SLC7A6: variants seen among roughly 807,000 people sequenced by gnomAD.
The protein encoded by SLC7A6 is solute carrier family 7 member 6, also known as Y+L amino acid transporter 2.
A neutral mutation model predicts 46.6 loss-of-function variants in SLC7A6; 29 were observed. The observed-to-expected ratio is 0.62, with a 90% CI of 0.46 to 0.85. The LOEUF is 0.85. Among genes scored for constraint, SLC7A6 ranks in the 40% least tolerant of loss-of-function variants. The pLI is 0.00. For synonymous variants in SLC7A6, 276 were observed against 257.3 expected, an observed-to-expected ratio of 1.07 and a Z score of -0.70; for missense variants, 527 against 647.6, an observed-to-expected ratio of 0.81 and a Z score of 2.02.
rs768631802 is a variant in SLC7A6 at position 68,291,644 on chromosome 16, C to T, written c.1005C>T (p.Ser335=). 1.1e-5 allele frequency: 18 copies of T among 1,613,986 alleles called. No homozygotes were observed. In the South Asian group the frequency reaches 2.0e-4, roughly 18 times the overall value. ...CCTGCTTTGGGGGCCTCAATGCATC[C>T]ATCTTTGCTTCATCAAGGTACTGTG... ...ALSCFGGLNA[S]IFASSRLFFV... Residue 335 remains serine (S), a synonymous_variant, in exon 7 of 11, where the codon TCC becomes TCT. Coordinates refer to ENST00000219343, the MANE Select transcript of SLC7A6 (RefSeq NM_003983.6).
intron 3 of SLC7A6, among the ~76,000 whole-genome samples, chr16:68,280,664 C>T (rs1232211414): frequency 6.6e-6 from 1 of 151,720 alleles, no homozygotes; most frequent in Admixed American, 6.6e-5. Context: ...AAACTCCTGG[C>T]TCAAGTGATG....
chr16:68,288,910 G>A (rs1689077926), intron 4 of SLC7A6, among the ~76,000 whole-genome samples: 1 of 125,972 alleles, frequency 7.9e-6, no homozygotes, highest in Non-Finnish European at 1.6e-5. Flanking sequence ...GTTGCAGTAA[G>A]CCGAGATTGT....
chr16:68,289,914 G>T (rs147757911), intron 4 of SLC7A6, among the ~76,000 whole-genome samples: 5 of 152,338 alleles, frequency 3.3e-5, no homozygotes, highest in Non-Finnish European at 7.3e-5. Flanking sequence ...TCTGGTCCAA[G>T]AGAGGTAGTT....
chr16:68,288,745 C>G (rs994523039), intron 4 of SLC7A6, among the ~76,000 whole-genome samples: 31 of 151,768 alleles, frequency 2.0e-4, no homozygotes, highest in African/African-American at 6.3e-4. Flanking sequence ...GTGGGCGAAT[C>G]AGCAGGTCAG....
At chr16:68,275,433 T>G (rs530000980) in intron 3 of SLC7A6, among the ~76,000 whole-genome samples, 184 bp downstream of exon 3, 16 of 151,688 alleles carry the variant, frequency 1.1e-4, no homozygotes, top group Non-Finnish European at 2.4e-4. Context: ...CCGTCTCTAC[T>G]GAAAAAACAA....
chr16:68,291,763 G>A, intron 7 of SLC7A6, 102 bp downstream of exon 7: 1 of 295,620 alleles, frequency 3.4e-6, no homozygotes, highest in South Asian at 3.2e-5. Flanking sequence ...GGCATATAGG[G>A]TGTGTGTGTG....
rs528395838 is a variant in SLC7A6 at position 68,299,885 on chromosome 16, C to G, written c.*2557C>G. On this transcript the variant is annotated 3_prime_UTR_variant, in exon 11 of 11. Transcript: ENST00000219343. ...TGTACACAGAATTTAATCACTTCGGCAGGTTGAACAACTCCATGTAGATAA... is the reference window on the plus strand; with the variant it reads ...TGTACACAGAATTTAATCACTTCGGGAGGTTGAACAACTCCATGTAGATAA... The G allele has an allele frequency of 6.6e-6, 1 of 152,220 alleles. No homozygotes were observed. The highest frequency in any genetic ancestry group is 2.1e-4 in the South Asian group (1 of 4,822). 9.4% of individuals were successfully genotyped at this position (152,220 alleles called of 1,614,324 possible). A position where few individuals can be genotyped will look rare whatever the true frequency, so the allele number is the denominator to read the frequency against.
At position 68,299,860 on chromosome 16, in the gene SLC7A6, T is replaced by G. The variant is rs1375846431; in HGVS notation, c.*2532T>G. 1 of 152,210 alleles carries G rather than the reference T, an allele frequency of 6.6e-6. No homozygotes were observed. Among genetic ancestry groups the G allele is most frequent in the Non-Finnish European group, 1.5e-5 (1 of 68,046 alleles). 9.4% of individuals were successfully genotyped at this position (152,210 alleles called of 1,614,324 possible). A position where few individuals can be genotyped will look rare whatever the true frequency, so the allele number is the denominator to read the frequency against. ...AATTAGCTGCAATATATACGGCCTGTGTACACAGAATTTAATCACTTCGGC... is the reference window on the plus strand; with the variant it reads ...AATTAGCTGCAATATATACGGCCTGGGTACACAGAATTTAATCACTTCGGC... On this transcript the variant is annotated 3_prime_UTR_variant, in exon 11 of 11. Transcript: ENST00000219343.
intron 7 of SLC7A6, chr16:68,292,031 C>T (rs2043066942): frequency 4.7e-6 from 1 of 211,792 alleles, no homozygotes; most frequent in Admixed American, 5.5e-5. Context: ...GAGATGAGGA[C>T]AGATTGATGA....
At chr16:68,295,321 C>T (rs966101693) in intron 8 of SLC7A6, among the ~76,000 whole-genome samples, 4 of 152,112 alleles carry the variant, frequency 2.6e-5, no homozygotes, top group South Asian at 2.1e-4. Context: ...TTCTCATATT[C>T]GTTTATTTGT....
intron 3 of SLC7A6, chr16:68,287,302 A>C: frequency 5.4e-6 from 7 of 1,287,772 alleles, no homozygotes; most frequent in Non-Finnish European, 7.1e-6. Flanking sequence ...AATGCAAAAC[A>C]CTGTCTCTCT....
intron 4 of SLC7A6, 179 bp from the exon 5 acceptor site, chr16:68,290,217 C>G: frequency 8.6e-6 from 5 of 578,620 alleles, no homozygotes; most frequent in South Asian, 2.8e-5. Flanking sequence ...GTTTTTTTTT[C>G]TTTCCCCTGC....
chr16:68,280,621 AAGG>A (rs1276398743), intron 3 of SLC7A6, among the ~76,000 whole-genome samples: 2 of 152,326 alleles, frequency 1.3e-5, no homozygotes, highest in East Asian at 3.9e-4. Context: ...GTTTATTTAA[AAGG>A]AGTATCCCTA....
intron 2 of SLC7A6, among the ~76,000 whole-genome samples, chr16:68,269,981 GC>G (rs1314744388): frequency 6.6e-6 from 1 of 152,076 alleles, no homozygotes; most frequent in Non-Finnish European, 1.5e-5. Flanking sequence ...TGTTGCCCAG[GC>G]TAGTCTCGAA....
Position 68,275,234 on chromosome 16 carries a change from G to C in SLC7A6, c.508G>C (p.Ala170Pro). The C allele has an allele frequency of 6.2e-7, 1 of 1,611,448 alleles. No individual in the cohort carries two copies. The highest frequency in any genetic ancestry group is 8.5e-7 in the Non-Finnish European group (1 of 1,178,250). The change falls in exon 3 of 11, where the codon GCT (alanine) becomes CCT (proline). Residue 170 changes from alanine to proline, a missense_variant. Coordinates refer to ENST00000219343, the MANE Select transcript of SLC7A6 (RefSeq NM_003983.6). ...DPPYLACRLL[A>P]AACICLLTFV... ...CCCATACCTGGCCTGCCGTCTCCTG[G>C]CTGCTGCTTGCATATGTAAGTGGGG... is the stretch of plus-strand genomic sequence containing the variant.
intron 7 of SLC7A6, among the ~76,000 whole-genome samples, chr16:68,294,496 G>A (rs1433551012): frequency 6.6e-6 from 1 of 151,990 alleles, no homozygotes; most frequent in Non-Finnish European, 1.5e-5. Flanking sequence ...TAGTGGTGAG[G>A]TGCCCGGGGA....
intron 3 of SLC7A6, among the ~76,000 whole-genome samples, chr16:68,279,511 A>C (rs1302990937): frequency 6.6e-6 from 1 of 152,024 alleles, no homozygotes; most frequent in African/African-American, 2.4e-5. Context: ...GATCTTGGGG[A>C]GTTAACTAAT....
chr16:68,296,722 C>A lies in SLC7A6; in HGVS notation c.1365C>A (p.Ile455=). 1.2e-6 allele frequency: 2 copies of A among 1,614,214 alleles called. No homozygotes were observed. Among genetic ancestry groups the A allele is most frequent in the African/African-American group, 1.3e-5 (1 of 75,046 alleles). ...ACACCATTAATTCCCTCATTGGCAT[C>A]GGGATTGCCCTTTCTGGAGTCCCTT... ...FTDTINSLIG[I]GIALSGVPFY... Residue 455 remains isoleucine, a synonymous_variant, in exon 10 of 11, where the codon ATC becomes ATA. Coordinates refer to ENST00000219343, the MANE Select transcript of SLC7A6 (RefSeq NM_003983.6).
chr16:68,287,025 CTG>C (rs547243819), intron 3 of SLC7A6, among the ~76,000 whole-genome samples: 273 of 145,776 alleles, frequency 1.9e-3, no homozygotes, highest in Middle Eastern at 0.011. Flanking sequence ...AGGTCTTACT[CTG>C]TCATCAGGCT....
Sources: gnomAD v4.1 joint callset for allele counts (sites outside exome capture counted in the v4.1 genomes callset) on GRCh38, gnomAD v4.1.1 for gene constraint, MANE v1.5 for transcripts, NCBI Gene and HGNC (gene_info 2026-07-23, HGNC 2026-07-21) for gene names.